ZNF644: variants seen among roughly 807,000 people sequenced by gnomAD.
ZNF644 encodes the protein zinc finger motif enhancer binding protein 2.
ZNF644 carries 20 observed loss-of-function variants against 108.0 expected under a neutral mutation model. That is an observed-to-expected ratio of 0.19 (90% CI 0.13 to 0.27). The LOEUF (loss-of-function observed/expected upper bound fraction) is 0.27. ZNF644 is among the 10% of genes least tolerant of loss of function. The pLI is 1.00. For missense variants in ZNF644, 1,338 were observed against 1,548.9 expected (o/e 0.86, Z 2.29); for synonymous variants, 542 against 539.1 (o/e 1.01, Z -0.08).
chr1:91,021,799 A>T, intron 1 of ZNF644, 191 bp downstream of exon 1: 1 of 390,230 alleles, frequency 2.6e-6, no homozygotes. Flanking sequence ...CCGCCATCTT[A>T]GCCTGTGCGG....
intron 1 of ZNF644, among the ~76,000 whole-genome samples, chr1:91,018,665 T>A (rs1030830893): frequency 6.6e-6 from 1 of 152,172 alleles, no homozygotes; most frequent in Non-Finnish European, 1.5e-5. Context: ...AAGAATAAGA[T>A]TCACTTTTCC....
intron 1 of ZNF644, among the ~76,000 whole-genome samples, chr1:91,017,244 C>G (rs1330342574): frequency 2.0e-5 from 3 of 152,182 alleles, no homozygotes; most frequent in Non-Finnish European, 2.9e-5. Flanking sequence ...TCAATTCTAC[C>G]AAAATCTAGG....
chr1:90,981,538 G>C (rs1656553227), intron 2 of ZNF644, among the ~76,000 whole-genome samples: 2 of 151,934 alleles, frequency 1.3e-5, no homozygotes, highest in African/African-American at 4.8e-5. Flanking sequence ...CATCTGGTTA[G>C]AGGGAAAACC....
In ZNF644 at chr1:90,969,666, G is replaced by A. The variant is rs574603487; in HGVS notation, c.44+12644C>T. On this transcript the variant is annotated intron_variant, in intron 2 of 5. Transcript: ENST00000337393. ...AGCCATCTTAGTTATCAAATCAACT[G>A]TCTAGGTATCGTAGTGCTTGTGCTA... 5.2e-4 allele frequency among the ~76,000 whole-genome samples: 79 copies of A among 152,256 alleles called. 1 individual carries two copies. The South Asian group carries it at 0.015, about 29-fold the overall frequency.
At chr1:90,950,339 G>GAAAAC (rs1557588562) in intron 2 of ZNF644, among the ~76,000 whole-genome samples, 1 of 146,320 alleles carries the variant, frequency 6.8e-6, no homozygotes, top group Non-Finnish European at 1.5e-5. Context: ...GAAAAGAAAA[G>GAAAAC]AAAAGAAAAG....
chr1:90,916,801 T>C lies in ZNF644; in HGVS notation c.3981A>G (p.Ser1327=). 1 of 1,614,152 alleles carries C rather than the reference T, an allele frequency of 6.2e-7. No homozygotes were observed. The highest frequency in any genetic ancestry group is 8.5e-7 in the Non-Finnish European group (1 of 1,180,026). ...CTATTTAAAAGGTTTCCTGGTTCTATGAAGCTGCTTCGGCCATTAGTAGAG... is the reference window on the plus strand; with the variant it reads ...CTATTTAAAAGGTTTCCTGGTTCTACGAAGCTGCTTCGGCCATTAGTAGAG... ...SFSLLMAEAA[S] Residue 1327 remains serine (S), a synonymous_variant, in exon 6 of 6, where the codon TCA becomes TCG. Transcript: ENST00000337393.
rs148103228 is a variant in ZNF644 at position 90,992,252 on chromosome 1, GTTTAC to G, written c.-17-9887_-17-9883del. Among the ~76,000 whole-genome samples the G allele has an allele frequency of 6.1e-3, 929 of 152,124 alleles. 7 individuals are homozygous for G. The highest frequency in any genetic ancestry group is 0.021 in the African/African-American group (851 of 41,512). ...TACAGACGTCAAATCTGTTCAAATT[GTTTAC>G]TTTAAGTGTGATTTTTTAATATGTC... is the stretch of plus-strand genomic sequence containing the variant. On this transcript the variant is annotated intron_variant, in intron 1 of 5. Transcript: ENST00000337393.
intron 2 of ZNF644, among the ~76,000 whole-genome samples, chr1:90,966,747 C>CCAA (rs765014155): frequency 2.7e-5 from 2 of 73,914 alleles, no homozygotes; most frequent in African/African-American, 1.1e-4. Flanking sequence ...GACTCAGTCT[C>CCAA]AAAAAAAAAA....
intron 2 of ZNF644, among the ~76,000 whole-genome samples, chr1:90,946,241 A>G (rs1652506993): frequency 6.6e-6 from 1 of 152,152 alleles, no homozygotes; most frequent in African/African-American, 2.4e-5. Flanking sequence ...AAGAGAAGAC[A>G]GAATGTATCA....
chr1:90,996,997 G>T (rs892764389), intron 1 of ZNF644, among the ~76,000 whole-genome samples: 2 of 152,124 alleles, frequency 1.3e-5, no homozygotes, highest in Admixed American at 1.3e-4. Context: ...ACAACCAAAG[G>T]ACATTTGTCA....
intron 1 of ZNF644, among the ~76,000 whole-genome samples, chr1:91,000,569 G>A (rs1658663490): frequency 6.6e-6 from 1 of 151,952 alleles, no homozygotes; most frequent in South Asian, 2.1e-4. Flanking sequence ...AGCACTAAAT[G>A]CCCACAAGAG....
At chr1:90,949,029 GAC>G (rs1347953658) in intron 2 of ZNF644, among the ~76,000 whole-genome samples, 3 of 151,932 alleles carry the variant, frequency 2.0e-5, no homozygotes, top group Non-Finnish European at 4.4e-5. Context: ...TGAATAATAT[GAC>G]ATCCAGGATT....
At chr1:90,965,722 C>T (rs1318632642) in intron 2 of ZNF644, among the ~76,000 whole-genome samples, 2 of 152,090 alleles carry the variant, frequency 1.3e-5, no homozygotes, top group Non-Finnish European at 2.9e-5. Context: ...ATATCCAATG[C>T]ACTTTGTCCT....
intron 1 of ZNF644, among the ~76,000 whole-genome samples, chr1:90,990,839 TGC>T (rs941601978): frequency 1.2e-4 from 18 of 152,288 alleles, no homozygotes; most frequent in Admixed American, 1.2e-3. Flanking sequence ...AAAGGAGTCT[TGC>T]CTCAGTGGGA....
intron 2 of ZNF644, among the ~76,000 whole-genome samples, chr1:90,953,789 G>A (rs530797198): frequency 1.5e-4 from 23 of 152,026 alleles, no homozygotes; most frequent in South Asian, 8.3e-4. Flanking sequence ...GGTGGCAGGC[G>A]CATGTAATCC....
rs879266813 is a variant in ZNF644 at position 90,925,603 on chromosome 1, TA to T, written c.3689-7450del. On this transcript the variant is annotated intron_variant, in intron 4 of 5. Coordinates refer to ENST00000337393, the MANE Select transcript of ZNF644 (RefSeq NM_201269.3). ...ATATTTAAGATTCCCAAACATATAT[TA>T]AAAAAAAAAAAGCAAAACCCAGAAA... is the stretch of plus-strand genomic sequence containing the variant. Among the ~76,000 whole-genome samples, 358 of 138,446 alleles carry T rather than the reference TA, an allele frequency of 2.6e-3. 1 individual carries two copies. The highest frequency in any genetic ancestry group is 6.2e-3 in the Admixed American group (86 of 13,812). The allele number at this position is 138,446 out of a possible 152,430, so 90.8% of individuals were successfully genotyped here.
At chr1:90,932,014 T>C (rs1001988293) in intron 4 of ZNF644, among the ~76,000 whole-genome samples, 2 of 152,128 alleles carry the variant, frequency 1.3e-5, no homozygotes, top group African/African-American at 4.8e-5. Flanking sequence ...GCCCACAGCT[T>C]TCATGAAATT....
At chr1:90,973,376 G>C (rs1177555076) in intron 2 of ZNF644, among the ~76,000 whole-genome samples, 8 of 151,964 alleles carry the variant, frequency 5.3e-5, no homozygotes, top group Admixed American at 5.2e-4. Context: ...ACTCTGTTGA[G>C]AGCAGTATAA....
intron 1 of ZNF644, among the ~76,000 whole-genome samples, chr1:91,007,234 T>TG (rs1659535876): frequency 5.2e-5 from 7 of 134,346 alleles, no homozygotes; most frequent in African/African-American, 1.7e-4. Flanking sequence ...TGTTTTTTTT[T>TG]TTTTTTTTTT....
Sources: allele counts gnomAD v4.1 joint callset (sites outside exome capture counted in the v4.1 genomes callset), GRCh38; gene constraint gnomAD v4.1.1; transcripts MANE v1.5; gene names NCBI Gene and HGNC (gene_info 2026-07-23, HGNC 2026-07-21).